The following THADA variants were observed in gnomAD, a reference collection of about 807,000 sequenced individuals.
THADA encodes THADA armadillo repeat containing.
THADA carries 213 observed loss-of-function variants against 219.8 expected under a neutral mutation model. The ratio of observed to expected loss-of-function variants is 0.97; its 90% CI spans 0.87 to 1.09. The LOEUF (loss-of-function observed/expected upper bound fraction) is 1.09, where lower values mean the gene tolerates loss of function less well. THADA is among the 50% of genes least tolerant of loss of function. The pLI is 0.00. For synonymous variants in THADA, 1,018 were observed against 828.9 expected (o/e 1.23, Z -3.92); for missense variants, 2,956 against 2,311.3 (o/e 1.28, Z -5.72).
chr2:43,497,599 A>G (rs1168549593), intron 25 of THADA, among the ~76,000 whole-genome samples: 1 of 152,124 alleles, frequency 6.6e-6, no homozygotes, highest in Non-Finnish European at 1.5e-5. Flanking sequence ...TAAAACCTAG[A>G]TGACAGGCTG....
intron 36 of THADA, among the ~76,000 whole-genome samples, chr2:43,249,422 C>T (rs536926051): frequency 4.6e-5 from 7 of 152,268 alleles, no homozygotes; most frequent in African/African-American, 1.2e-4. Context: ...TCCTTGCTTC[C>T]AGTCTTGTCT....
At chr2:43,500,489 C>T (rs1688814684) in intron 24 of THADA, among the ~76,000 whole-genome samples, 1 of 152,122 alleles carries the variant, frequency 6.6e-6, no homozygotes, top group Non-Finnish European at 1.5e-5. Flanking sequence ...CTCACAAAAC[C>T]AGTGAGATAT....
intron 26 of THADA, among the ~76,000 whole-genome samples, chr2:43,483,790 T>A (rs1159234607): frequency 6.6e-6 from 1 of 151,472 alleles, no homozygotes; most frequent in South Asian, 2.1e-4. Flanking sequence ...CAAGAATCAC[T>A]TCATAAAAAA....
chr2:43,319,989 G>A (rs1678507725), intron 31 of THADA, among the ~76,000 whole-genome samples: 1 of 152,226 alleles, frequency 6.6e-6, no homozygotes, highest in African/African-American at 2.4e-5. Context: ...AGAAACATGT[G>A]GAAAGTCAGA....
intron 26 of THADA, among the ~76,000 whole-genome samples, chr2:43,473,322 G>A (rs1250377916): frequency 5.8e-4 from 88 of 151,878 alleles, no homozygotes; most frequent in South Asian, 4.2e-4. Flanking sequence ...ATGAACATTA[G>A]CCTAGGCCTA....
At chr2:43,379,019 T>C (rs180850419) in intron 29 of THADA, among the ~76,000 whole-genome samples, 1 of 152,118 alleles carries the variant, frequency 6.6e-6, no homozygotes, top group Non-Finnish European at 1.5e-5. Flanking sequence ...AGGAGTGGGA[T>C]GCAAGAAAAA....
intron 14 of THADA, among the ~76,000 whole-genome samples, chr2:43,569,485 A>G (rs974408908): frequency 6.6e-5 from 10 of 152,180 alleles, no homozygotes; most frequent in Admixed American, 5.2e-4. Flanking sequence ...TCAGGAGTAA[A>G]CCCATGTCTT....
chr2:43,459,055 T>G (rs1683334004), intron 26 of THADA, among the ~76,000 whole-genome samples: 1 of 152,164 alleles, frequency 6.6e-6, no homozygotes, highest in African/African-American at 2.4e-5. Flanking sequence ...CTCTCAGTCT[T>G]GAGCACAACT....
At chr2:43,243,817 A>G (rs1668857937) in intron 36 of THADA, among the ~76,000 whole-genome samples, 1 of 152,152 alleles carries the variant, frequency 6.6e-6, no homozygotes, top group African/African-American at 2.4e-5. Flanking sequence ...TGCTTTAGCT[A>G]TTTTCAAATG....
At chr2:43,535,675 C>CAAAAAAAAAA (rs1177702416) in intron 21 of THADA, among the ~76,000 whole-genome samples, 4 of 30,358 alleles carry the variant, frequency 1.3e-4, no homozygotes, top group Non-Finnish European at 2.4e-4. Context: ...CAGCGAGACT[C>CAAAAAAAAAA]AAAAAAAAAA....
rs1572944350 is a variant in THADA at position 43,293,099 on chromosome 2, C to G, written c.4553G>C (p.Ser1518Thr). The G allele has an allele frequency of 2.5e-6, 4 of 1,613,998 alleles. No homozygotes were observed. Among genetic ancestry groups the G allele is most frequent in the Non-Finnish European group, 3.4e-6 (4 of 1,179,894 alleles). Residue 1518 changes from serine to threonine, a missense_variant, in exon 32 of 38, where the codon AGC becomes ACC. Physicochemically the swap from Ser to Thr is moderately conservative, Grantham distance 58. Coordinates refer to ENST00000405975, the MANE Select transcript of THADA (RefSeq NM_022065.5). ...KVPGLPQYLQ[S>T]LTRLAIAAVW... ...TGCAGCAATGGCTAGTCTGGTGAGGCTCTGGAGGTACTGGGGCAGGCCTGG... is the reference window on the plus strand; with the variant it reads ...TGCAGCAATGGCTAGTCTGGTGAGGGTCTGGAGGTACTGGGGCAGGCCTGG...
intron 31 of THADA, among the ~76,000 whole-genome samples, chr2:43,306,504 G>C (rs1029575407): frequency 6.6e-6 from 1 of 152,040 alleles, no homozygotes; most frequent in Non-Finnish European, 1.5e-5. Context: ...TTACATAATG[G>C]GCTTACCTCT....
intron 31 of THADA, among the ~76,000 whole-genome samples, chr2:43,301,568 G>A (rs1188821038): frequency 6.6e-6 from 1 of 152,226 alleles, no homozygotes; most frequent in African/African-American, 2.4e-5. Flanking sequence ...TGGAACAGAA[G>A]GTTGGAGGCA....
intron 30 of THADA, among the ~76,000 whole-genome samples, chr2:43,330,707 A>T (rs1275590080): frequency 6.6e-6 from 1 of 152,214 alleles, no homozygotes; most frequent in East Asian, 1.9e-4. Flanking sequence ...GATATAGAAT[A>T]GTTAAGTTTT....
At chr2:43,563,781 C>T (rs2103958098) in intron 15 of THADA, 1 of 152,218 alleles carries the variant, frequency 6.6e-6, no homozygotes, top group South Asian at 2.1e-4. Flanking sequence ...TCAGTCCTAC[C>T]ACTGAAGTTC....
intron 31 of THADA, among the ~76,000 whole-genome samples, chr2:43,296,275 T>C (rs1041866529): frequency 6.6e-6 from 1 of 150,742 alleles, no homozygotes; most frequent in African/African-American, 2.4e-5. Context: ...AGGCATCTTT[T>C]TATTTTTTTA....
rs147283625 is a variant in THADA, at chr2:43,282,606, G to C, written c.5165-2710C>G. On this transcript the variant is annotated intron_variant, in intron 35 of 37. Transcript: ENST00000405975. ...ACTAATAGGTGAGAAGAGAATCATA[G>C]CATGTTAATACGGGATTAAACATGG... is the stretch of plus-strand genomic sequence containing the variant. Among the ~76,000 whole-genome samples, 111 of 152,300 alleles carry C rather than the reference G, an allele frequency of 7.3e-4. 1 individual carries two copies. Among genetic ancestry groups the C allele is most frequent in the Non-Finnish European group, 1.2e-3 (83 of 68,034 alleles).
intron 29 of THADA, among the ~76,000 whole-genome samples, chr2:43,364,795 T>C (rs1309751108): frequency 6.6e-6 from 1 of 152,040 alleles, no homozygotes; most frequent in Non-Finnish European, 1.5e-5. Flanking sequence ...TCCATGGAGT[T>C]AGAGATGAAT....
intron 21 of THADA, among the ~76,000 whole-genome samples, chr2:43,531,139 G>C (rs909405851): frequency 2.0e-5 from 3 of 152,164 alleles, no homozygotes; most frequent in African/African-American, 7.2e-5. Flanking sequence ...CTTTGGCAAA[G>C]AAAACCAACA....
Sources: allele counts gnomAD v4.1 joint callset (sites outside exome capture counted in the v4.1 genomes callset), GRCh38; gene constraint gnomAD v4.1.1; transcripts MANE v1.5; gene names NCBI Gene and HGNC (gene_info 2026-07-23, HGNC 2026-07-21).